The following SLC13A1 variants were observed in gnomAD, a reference collection of about 807,000 sequenced individuals.
The protein encoded by SLC13A1 is Na(+)/sulfate cotransporter.
Under a neutral mutation model 70.0 loss-of-function variants are expected in SLC13A1, and 65 were observed. The ratio of observed to expected loss-of-function variants is 0.93; its 90% CI spans 0.76 to 1.14. The LOEUF is 1.14. SLC13A1 is among the 50% of genes most tolerant of loss of function. SLC13A1 has a pLI of 0.00. For missense variants in SLC13A1, 726 were observed against 717.8 expected, an observed-to-expected ratio of 1.01 and a Z score of -0.13; for synonymous variants, 275 against 250.5, an observed-to-expected ratio of 1.10 and a Z score of -0.92.
intron 1 of SLC13A1, among the ~76,000 whole-genome samples, chr7:123,185,979 C>T (rs1266402303): frequency 1.3e-5 from 2 of 151,942 alleles, no homozygotes; most frequent in African/African-American, 4.8e-5. Flanking sequence ...CCTCTAATTC[C>T]TTTTCTCTAT....
intron 1 of SLC13A1, among the ~76,000 whole-genome samples, chr7:123,189,325 T>C (rs1472677416): frequency 6.6e-6 from 1 of 152,080 alleles, no homozygotes; most frequent in Non-Finnish European, 1.5e-5. Context: ...ACATATTTTC[T>C]ATGCTGAAGT....
intron 1 of SLC13A1, among the ~76,000 whole-genome samples, chr7:123,198,348 A>G (rs560583521): frequency 6.6e-6 from 1 of 152,176 alleles, no homozygotes; most frequent in African/African-American, 2.4e-5. Flanking sequence ...AGAATTTGAA[A>G]AACAAAACCA....
At chr7:123,171,403 T>G (rs1419878084) in intron 3 of SLC13A1, among the ~76,000 whole-genome samples, 1 of 152,228 alleles carries the variant, frequency 6.6e-6, no homozygotes, top group African/African-American at 2.4e-5. Context: ...CTTGAACAAG[T>G]TCTGAATGTG....
Position 123,181,099 on chromosome 7 carries a change from T to C in SLC13A1, c.102A>G (p.Glu34=), listed in dbSNP as rs1416068628. The change falls in exon 2 of 15, where the codon GAA becomes GAG. Residue 34 remains glutamate, a splice_region_variant and synonymous_variant. Transcript: ENST00000194130. ...LPLPIVLHTK[E]AECAYTLFVV... ...CAAAGAGTGTGTAGGCACATTCTGC[T>C]TCCTGGTAAGAACAAATGCAAAGCA... The C allele has an allele frequency of 6.2e-7, 1 of 1,611,350 alleles. No individual in the cohort carries two copies. The highest frequency in any genetic ancestry group is 1.1e-5 in the South Asian group (1 of 90,908).
chr7:123,128,793 G>T, intron 10 of SLC13A1, 52 bp downstream of exon 10: 1 of 1,141,580 alleles, frequency 8.8e-7, no homozygotes, highest in Non-Finnish European at 1.3e-6. Context: ...ACACAGGAGA[G>T]AAGCAGAGTA....
chr7:123,148,538 T>C (rs745940859), intron 6 of SLC13A1: 7 of 444,134 alleles, frequency 1.6e-5, no homozygotes, highest in Non-Finnish European at 2.2e-5. Flanking sequence ...CCCATGACCC[T>C]GTAAACACCC....
intron 2 of SLC13A1, among the ~76,000 whole-genome samples, chr7:123,180,311 A>C: frequency 6.6e-6 from 1 of 152,166 alleles, no homozygotes; most frequent in Non-Finnish European, 1.5e-5. Flanking sequence ...AGAAGTCCAA[A>C]GGTGATAAAT....
chr7:123,165,887 C>T (rs1795055810), intron 6 of SLC13A1, among the ~76,000 whole-genome samples: 1 of 152,130 alleles, frequency 6.6e-6, no homozygotes, highest in Admixed American at 6.6e-5. Context: ...ATAAAGATAA[C>T]TACTTATCGA....
Position 123,161,947 on chromosome 7 carries a change from C to T in SLC13A1, c.660+6427G>A, listed in dbSNP as rs1563339454. On this transcript the variant is annotated intron_variant, in intron 6 of 14. Transcript: ENST00000194130. ...TTTGTTATTCTTCAAAATATTTAGT[C>T]ACGTTTTATACAGGCATATATGCAT... Among the ~76,000 whole-genome samples the T allele has an allele frequency of 2.6e-5, 4 of 151,378 alleles. No individual in the cohort carries two copies. The South Asian group carries it at 6.3e-4, about 24-fold the overall frequency.
In SLC13A1 at chr7:123,168,398, A is replaced by G; in HGVS notation, c.636T>C (p.Ile212=). 6.3e-7 allele frequency: 1 copy of G among 1,590,026 alleles called. No homozygotes were observed. Among genetic ancestry groups the G allele is most frequent in the Non-Finnish European group, 8.6e-7 (1 of 1,163,154 alleles). ...CCTTTTCCAACTCCACCTTGCTTGA[A>G]ATTTTCCCTGTATCATTATTGTATC... ...VPGYNNDTGK[I]SSKVELEKNS... Residue 212 remains isoleucine, a synonymous_variant, in exon 6 of 15, where the codon ATT becomes ATC. Coordinates refer to ENST00000194130, the MANE Select transcript of SLC13A1 (RefSeq NM_022444.4).
chr7:123,194,533 A>G (rs183608690), intron 1 of SLC13A1, among the ~76,000 whole-genome samples: 3 of 152,234 alleles, frequency 2.0e-5, no homozygotes, highest in Admixed American at 2.0e-4. Flanking sequence ...ATTTTTCACA[A>G]TTGGACTGAG....
chr7:123,150,392 GTC>G (rs1230385737), intron 6 of SLC13A1, among the ~76,000 whole-genome samples: 1 of 152,060 alleles, frequency 6.6e-6, no homozygotes, highest in Non-Finnish European at 1.5e-5. Context: ...CTGGACCACA[GTC>G]TCTCAGATTT....
rs557708212 is a variant in SLC13A1, at chr7:123,117,606, G to C, written c.1515C>G (p.Ala505=). 1 of 1,598,592 alleles carries C rather than the reference G, an allele frequency of 6.3e-7. No individual in the cohort carries two copies. Among genetic ancestry groups the C allele is most frequent in the Non-Finnish European group, 8.5e-7 (1 of 1,170,644 alleles). Reference sequence around the variant, plus strand: ...AAAGAGGGTTCACATGAATGGCTTCGGCCTGTTGTAAGAGATAAAAAAGAG... The same window carrying C: ...AAAGAGGGTTCACATGAATGGCTTCCGCCTGTTGTAAGAGATAAAAAAGAG... ...TLFLPILSPL[A]EAIHVNPLYI... The change falls in exon 14 of 15, where the codon GCC becomes GCG. Residue 505 remains alanine, a splice_region_variant and synonymous_variant. Transcript: ENST00000194130.
rs191412213 is a variant in SLC13A1, at chr7:123,129,560, G to A, written c.933-79C>T. 6.9e-5 allele frequency: 73 copies of A among 1,056,992 alleles called. No homozygotes were observed. In the East Asian group the frequency reaches 1.5e-3, roughly 21 times the overall value. 65.5% of individuals were successfully genotyped at this position (1,056,992 alleles called of 1,614,324 possible). On this transcript the variant is annotated intron_variant, in intron 8 of 14. Coordinates refer to ENST00000194130, the MANE Select transcript of SLC13A1 (RefSeq NM_022444.4). ...TGTAAGGAAGATATTTTTGTAAAACGTTGTCATCTTCACGCAATATGAATC... is the reference window on the plus strand; with the variant it reads ...TGTAAGGAAGATATTTTTGTAAAACATTGTCATCTTCACGCAATATGAATC...
At chr7:123,156,259 A>T (rs145508884) in intron 6 of SLC13A1, among the ~76,000 whole-genome samples, 240 of 152,182 alleles carry the variant, frequency 1.6e-3, no homozygotes, top group African/African-American at 5.2e-3. Flanking sequence ...TGATGTTTAT[A>T]TAATTTGGAT....
At chr7:123,199,757 C>T in intron 1 of SLC13A1, 91 bp downstream of exon 1, 2 of 925,532 alleles carry the variant, frequency 2.2e-6, no homozygotes. Context: ...TCATTCAGCT[C>T]TGAGCCAGGC....
chr7:123,151,238 T>G (rs1794544495), intron 6 of SLC13A1, among the ~76,000 whole-genome samples: 1 of 151,834 alleles, frequency 6.6e-6, no homozygotes, highest in Non-Finnish European at 1.5e-5. Context: ...GAAGGAGAAT[T>G]TCTTGAACCT....
At position 123,119,130 on chromosome 7, in the gene SLC13A1, G is replaced by T; in HGVS notation, c.1463C>A (p.Ala488Asp). The change falls in exon 13 of 15, where the codon GCC becomes GAC. Residue 488 changes from alanine (A) to aspartate (D), a missense_variant. Physicochemically the swap from Ala to Asp is moderately radical, Grantham distance 126. Transcript: ENST00000194130. ...SLMVTSLTEV[A>D]SNPATITLFL... is the part of the protein sequence containing the mutation. The stretch of plus-strand genomic sequence containing the variant: ...GAGTGTAATGGTAGCTGGATTGCTG[G>T]CTACCTCAGTTAAAGATGTCACCAT... 6.2e-7 allele frequency: 1 copy of T among 1,612,708 alleles called. No homozygotes were observed. The highest frequency in any genetic ancestry group is 8.5e-7 in the Non-Finnish European group (1 of 1,179,214).
chr7:123,170,127 G>A (rs1252649537), intron 3 of SLC13A1, among the ~76,000 whole-genome samples: 1 of 152,110 alleles, frequency 6.6e-6, no homozygotes, highest in Non-Finnish European at 1.5e-5. Context: ...TCTCTTTTGA[G>A]TAGGCGGGCC....
Sources: gnomAD v4.1 joint callset for allele counts (sites outside exome capture counted in the v4.1 genomes callset) on GRCh38, gnomAD v4.1.1 for gene constraint, MANE v1.5 for transcripts, NCBI Gene and HGNC (gene_info 2026-07-23, HGNC 2026-07-21) for gene names.